Variants in GPC5 observed in about 807,000 individuals in gnomAD.
GPC5 encodes glypican 5, also known as glypican-5.
In GPC5, 47 loss-of-function variants were observed where a neutral mutation model predicts 53.9. That is an observed-to-expected ratio of 0.87 (90% CI 0.69 to 1.11). The LOEUF (loss-of-function observed/expected upper bound fraction) is 1.11. GPC5 is among the 50% of genes most tolerant of loss of function. The pLI is 0.00. For synonymous variants in GPC5, 286 were observed against 263.3 expected (o/e 1.09, Z -0.84); for missense variants, 748 against 713.1 (o/e 1.05, Z -0.56).
At chr13:92,838,100 TA>T (rs1878281752) in intron 7 of GPC5, among the ~76,000 whole-genome samples, 1 of 148,734 alleles carries the variant, frequency 6.7e-6, no homozygotes, top group South Asian at 2.1e-4. Flanking sequence ...AAAAAAAAAT[TA>T]AAAAGTCACA....
At chr13:92,832,490 T>G (rs1359263058) in intron 7 of GPC5, among the ~76,000 whole-genome samples, 5 of 152,226 alleles carry the variant, frequency 3.3e-5, no homozygotes, top group Admixed American at 3.3e-4. Flanking sequence ...CTTACTAATC[T>G]TTTTAAAATA....
intron 2 of GPC5, among the ~76,000 whole-genome samples, chr13:91,579,796 T>G (rs2032287963): frequency 6.6e-6 from 1 of 151,680 alleles, no homozygotes; most frequent in Non-Finnish European, 1.5e-5. Context: ...GCCCAGCTTT[T>G]TTGTATTTTT....
intron 7 of GPC5, among the ~76,000 whole-genome samples, chr13:92,296,941 C>A (rs2043040223): frequency 6.6e-6 from 1 of 152,196 alleles, no homozygotes; most frequent in Non-Finnish European, 1.5e-5. Flanking sequence ...CATGCCTGAG[C>A]CTCCCACCCC....
At chr13:91,879,738 GT>G (rs1404040051) in intron 5 of GPC5, among the ~76,000 whole-genome samples, 1 of 152,132 alleles carries the variant, frequency 6.6e-6, no homozygotes, top group Admixed American at 6.6e-5. Context: ...CACTATGTCT[GT>G]AGCAGTAAAT....
At chr13:92,727,900 C>T (rs546537802) in intron 7 of GPC5, among the ~76,000 whole-genome samples, 2 of 151,438 alleles carry the variant, frequency 1.3e-5, no homozygotes, top group Admixed American at 6.6e-5. Flanking sequence ...TTTACTATCT[C>T]CTACTTTTTG....
At chr13:92,038,623 T>C (rs1240694509) in intron 6 of GPC5, among the ~76,000 whole-genome samples, 6 of 151,200 alleles carry the variant, frequency 4.0e-5, no homozygotes, top group Admixed American at 4.0e-4. Flanking sequence ...ACCAAATGCC[T>C]GATGAATATT....
chr13:92,858,125 T>C (rs1222619330), intron 7 of GPC5, among the ~76,000 whole-genome samples: 1 of 152,056 alleles, frequency 6.6e-6, no homozygotes, highest in African/African-American at 2.4e-5. Context: ...ACTGATATGG[T>C]TTGGCTGTGT....
chr13:92,458,021 A>C (rs1328598248), intron 7 of GPC5, among the ~76,000 whole-genome samples: 1 of 152,158 alleles, frequency 6.6e-6, no homozygotes, highest in African/African-American at 2.4e-5. Context: ...CAGTTCTTCA[A>C]AGCATTTCCA....
At chr13:91,855,090 A>AT in intron 5 of GPC5, among the ~76,000 whole-genome samples, 1 of 151,876 alleles carries the variant, frequency 6.6e-6, no homozygotes, top group East Asian at 1.9e-4. Flanking sequence ...ACTCATTTGA[A>AT]TTTTTTAATC....
At chr13:91,686,058 TTG>T (rs1327257838) in intron 2 of GPC5, among the ~76,000 whole-genome samples, 1 of 152,052 alleles carries the variant, frequency 6.6e-6, no homozygotes, top group Non-Finnish European at 1.5e-5. Flanking sequence ...TAGTTCTAGA[TTG>T]TGTTTCTGAG....
intron 7 of GPC5, among the ~76,000 whole-genome samples, chr13:92,595,494 C>T (rs747723084): frequency 6.6e-5 from 10 of 152,100 alleles, no homozygotes; most frequent in Non-Finnish European, 1.5e-4. Context: ...TACGGCCGGG[C>T]GCGGTGGCTC....
At chr13:91,791,767 C>G (rs1394058517) in intron 5 of GPC5, among the ~76,000 whole-genome samples, 2 of 151,966 alleles carry the variant, frequency 1.3e-5, no homozygotes, top group Non-Finnish European at 2.9e-5. Context: ...ACATACATCT[C>G]AAAGTCCAGC....
chr13:91,752,229 G>GGTAT (rs572925376), intron 4 of GPC5, among the ~76,000 whole-genome samples: 7,892 of 151,700 alleles, frequency 0.052, 258 homozygotes, highest in African/African-American at 0.094. Flanking sequence ...TTTATGTGTG[G>GGTAT]GTATGTATGT....
chr13:91,438,460 A>T (rs1199116481), intron 1 of GPC5, among the ~76,000 whole-genome samples: 2 of 152,164 alleles, frequency 1.3e-5, no homozygotes, highest in Non-Finnish European at 2.9e-5. Context: ...TCAGCAGCGG[A>T]GGCTGCAGAA....
intron 7 of GPC5, among the ~76,000 whole-genome samples, chr13:92,331,388 G>A (rs1237680335): frequency 6.6e-6 from 1 of 152,092 alleles, no homozygotes. Flanking sequence ...TGGATCCTTT[G>A]TCACATAATG....
At chr13:91,400,486 C>G (rs1449330940) in intron 1 of GPC5, among the ~76,000 whole-genome samples, 1 of 152,062 alleles carries the variant, frequency 6.6e-6, no homozygotes, top group Non-Finnish European at 1.5e-5. Context: ...TTCTTCTATC[C>G]CCAAATAAAA....
chr13:91,909,951 A>G (rs1187006531), intron 6 of GPC5, among the ~76,000 whole-genome samples: 1 of 152,066 alleles, frequency 6.6e-6, no homozygotes. Context: ...CCATTCTTTA[A>G]TCTTTCTAGG....
chr13:92,155,663 C>T (rs1285425561), intron 7 of GPC5, among the ~76,000 whole-genome samples: 1 of 152,098 alleles, frequency 6.6e-6, no homozygotes, highest in Non-Finnish European at 1.5e-5. Context: ...CACCTCTTTA[C>T]CTTCTGTTTC....
At chr13:91,721,520 T>C (rs2036474123) in intron 3 of GPC5, among the ~76,000 whole-genome samples, 1 of 152,154 alleles carries the variant, frequency 6.6e-6, no homozygotes, top group African/African-American at 2.4e-5. Flanking sequence ...AAAGAGATCA[T>C]GTTACTGCCA....
Sources: allele counts gnomAD v4.1 joint callset (sites outside exome capture counted in the v4.1 genomes callset), GRCh38; gene constraint gnomAD v4.1.1; transcripts MANE v1.5; gene names NCBI Gene and HGNC (gene_info 2026-07-23, HGNC 2026-07-21).